The following SLC36A4 variants were observed in gnomAD, a reference collection of about 807,000 sequenced individuals.
SLC36A4 encodes the protein solute carrier family 36 member 4.
A neutral mutation model predicts 50.5 loss-of-function variants in SLC36A4; 49 were observed. The observed-to-expected ratio is 0.97, with a 90% CI of 0.77 to 1.23. The LOEUF (loss-of-function observed/expected upper bound fraction) is 1.23, where lower values mean the gene tolerates loss of function less well. Among genes scored for constraint, SLC36A4 ranks in the 50% most tolerant of loss-of-function variants. The pLI is 0.00. For missense variants in SLC36A4, 611 were observed against 608.4 expected, an observed-to-expected ratio of 1.00 and a Z score of -0.05; for synonymous variants, 207 against 206.5, an observed-to-expected ratio of 1.00 and a Z score of -0.02.
chr11:93,188,037 T>G (rs1439415381), intron 1 of SLC36A4, among the ~76,000 whole-genome samples: 2 of 152,326 alleles, frequency 1.3e-5, no homozygotes, highest in East Asian at 3.9e-4. Flanking sequence ...TTGATCCAGT[T>G]TCCTGCTCCC....
chr11:93,174,237 C>G (rs11020184), intron 6 of SLC36A4, among the ~76,000 whole-genome samples: 69,074 of 118,204 alleles, frequency 0.58, 21,321 homozygotes, highest in East Asian at 0.77. Flanking sequence ...CTCATGATTT[C>G]GCTCTCTGTT....
At chr11:93,157,734 C>T (rs1860431168) in intron 9 of SLC36A4, among the ~76,000 whole-genome samples, 1 of 152,168 alleles carries the variant, frequency 6.6e-6, no homozygotes, top group Non-Finnish European at 1.5e-5. Flanking sequence ...TGAGACTTTG[C>T]TGAAGTTGCT....
At chr11:93,161,514 G>C (rs1410673586) in intron 9 of SLC36A4, among the ~76,000 whole-genome samples, 4 of 152,134 alleles carry the variant, frequency 2.6e-5, no homozygotes, top group Non-Finnish European at 5.9e-5. Context: ...AGGTCCATTT[G>C]CTCTGTCATA....
chr11:93,151,592 T>G (rs1300178840), intron 10 of SLC36A4, among the ~76,000 whole-genome samples: 1 of 152,108 alleles, frequency 6.6e-6, no homozygotes, highest in Non-Finnish European at 1.5e-5. Context: ...ATGGTACTTT[T>G]CTAGTCTGCA....
At chr11:93,161,990 C>A (rs1860639082) in intron 9 of SLC36A4, among the ~76,000 whole-genome samples, 1 of 152,148 alleles carries the variant, frequency 6.6e-6, no homozygotes, top group Admixed American at 6.6e-5. Flanking sequence ...TGTGTCCCAA[C>A]TGTGTTCTGA....
chr11:93,195,274 G>C (rs1000730716), intron 1 of SLC36A4, among the ~76,000 whole-genome samples: 1 of 151,806 alleles, frequency 6.6e-6, no homozygotes, highest in Non-Finnish European at 1.5e-5. Flanking sequence ...AGACTCTGTA[G>C]GTATATTACA....
At chr11:93,178,365 C>T (rs1861585677) in intron 6 of SLC36A4, among the ~76,000 whole-genome samples, 1 of 152,094 alleles carries the variant, frequency 6.6e-6, no homozygotes, top group East Asian at 1.9e-4. Flanking sequence ...TGATGCCCTG[C>T]CCTGCTTTGG....
intron 9 of SLC36A4, among the ~76,000 whole-genome samples, chr11:93,159,551 C>T (rs1448186877): frequency 2.0e-5 from 3 of 152,146 alleles, no homozygotes; most frequent in African/African-American, 7.2e-5. Flanking sequence ...GTCAAGAAGT[C>T]ATCTTAATTG....
At position 93,187,164 on chromosome 11, in the gene SLC36A4, C is replaced by T. The variant is rs151106634; in HGVS notation, c.56-1350G>A. Among the ~76,000 whole-genome samples the T allele has an allele frequency of 6.2e-4, 90 of 145,870 alleles. No homozygotes were observed. In the East Asian group the frequency reaches 0.017, roughly 27 times the overall value. ...AAAATGCTGTTCCACTTTTGCCTTG[C>T]TTTTATATGCTACTTTTGAGAAATC... On this transcript the variant is annotated intron_variant, in intron 1 of 10. Transcript: ENST00000326402.
chr11:93,147,577 G>A lies in SLC36A4; in HGVS notation c.*960C>T, dbSNP rs565059118. The A allele has an allele frequency of 1.3e-5, 2 of 152,184 alleles. No homozygotes were observed. The highest frequency in any genetic ancestry group is 1.3e-4 in the Admixed American group (2 of 15,276). The allele number at this position is 152,184 out of a possible 1,614,324, so 9.4% of individuals were successfully genotyped here. On this transcript the variant is annotated 3_prime_UTR_variant, in exon 11 of 11. Coordinates refer to ENST00000326402, the MANE Select transcript of SLC36A4 (RefSeq NM_152313.4). ...CTGAGGTTTATATGGCCACAGTGTA[G>A]GCTTCTTGGAGTTCCCTGATTTTCT...
chr11:93,157,175 G>T (rs1197563348), intron 9 of SLC36A4, among the ~76,000 whole-genome samples: 1 of 151,922 alleles, frequency 6.6e-6, no homozygotes, highest in Non-Finnish European at 1.5e-5. Flanking sequence ...CTTACTTCTG[G>T]GCTCTCTATT....
At chr11:93,192,682 T>C (rs1268655899) in intron 1 of SLC36A4, among the ~76,000 whole-genome samples, 1 of 152,226 alleles carries the variant, frequency 6.6e-6, no homozygotes, top group East Asian at 1.9e-4. Context: ...ACTAAGTCTT[T>C]GAAATGCAGC....
intron 1 of SLC36A4, among the ~76,000 whole-genome samples, chr11:93,189,177 C>T (rs1300789003): frequency 3.3e-5 from 5 of 151,948 alleles, no homozygotes; most frequent in East Asian, 1.9e-4. Context: ...AATTCTCCTG[C>T]CTCAGCCTCC....
In SLC36A4 at chr11:93,148,736, G is replaced by GT. The variant is rs1462106688; in HGVS notation, c.1315dup (p.Thr439AsnfsTer8). The GT allele has an allele frequency of 1.9e-6, 3 of 1,612,900 alleles. No homozygotes were observed. The South Asian group carries it at 3.3e-5, about 18-fold the overall frequency. ...TATATTATAATGTTCCTTCGAAAATGTAAGAATTTCAACCAAAGGTGGCAG... is the reference window on the plus strand; with the variant it reads ...TATATTATAATGTTCCTTCGAAAATGTTAAGAATTTCAACCAAAGGTGGCAG... On this transcript the variant is annotated frameshift_variant, in exon 11 of 11. Coordinates refer to ENST00000326402, the MANE Select transcript of SLC36A4 (RefSeq NM_152313.4). LOFTEE classifies it high-confidence loss of function.
intron 7 of SLC36A4, among the ~76,000 whole-genome samples, chr11:93,167,722 C>T (rs865953242): frequency 4.6e-5 from 7 of 152,090 alleles, no homozygotes; most frequent in African/African-American, 1.7e-4. Flanking sequence ...GCGTTATTTA[C>T]CAAGATTCAA....
chr11:93,154,735 C>T (rs1031757184), intron 9 of SLC36A4: 3 of 152,088 alleles, frequency 2.0e-5, no homozygotes, highest in African/African-American at 4.8e-5. Flanking sequence ...GGTATGTCAT[C>T]AGTTGCAGAA....
At chr11:93,190,972 G>A (rs888174074) in intron 1 of SLC36A4, among the ~76,000 whole-genome samples, 8 of 152,172 alleles carry the variant, frequency 5.3e-5, no homozygotes, top group Non-Finnish European at 1.0e-4. Context: ...CAGGTTTTAA[G>A]ACTGAGCATA....
At chr11:93,149,473 T>C (rs1448693287) in intron 10 of SLC36A4, among the ~76,000 whole-genome samples, 1 of 151,976 alleles carries the variant, frequency 6.6e-6, no homozygotes, top group South Asian at 2.1e-4. Flanking sequence ...CAGACCACCT[T>C]AGCCAAGTAA....
chr11:93,154,352 G>C, intron 9 of SLC36A4, 75 bp from the exon 10 acceptor site: 2 of 696,458 alleles, frequency 2.9e-6, no homozygotes, highest in Non-Finnish European at 4.2e-6. Flanking sequence ...TTAATATTAA[G>C]ATAAATAAGA....
Sources: gnomAD v4.1 joint callset for allele counts (sites outside exome capture counted in the v4.1 genomes callset) on GRCh38, gnomAD v4.1.1 for gene constraint, MANE v1.5 for transcripts, NCBI Gene and HGNC (gene_info 2026-07-23, HGNC 2026-07-21) for gene names.